MAGI2: variants seen among roughly 807,000 people sequenced by gnomAD.
MAGI2 encodes the protein membrane associated guanylate kinase, WW and PDZ domain containing 2.
A neutral mutation model predicts 133.3 loss-of-function variants in MAGI2; 35 were observed. The observed-to-expected ratio is 0.26, with a 90% CI of 0.20 to 0.35. The LOEUF (loss-of-function observed/expected upper bound fraction) is 0.35. Ranked by LOEUF, MAGI2 falls within the 10% of genes least tolerant of loss-of-function variation. The probability of loss-of-function intolerance (pLI) is 1.00; values close to 1 mark genes in which losing one functional copy is unlikely to be tolerated. For missense variants in MAGI2, 1,636 were observed against 1,863.4 expected (o/e 0.88, Z 2.25); for synonymous variants, 729 against 710.6 (o/e 1.03, Z -0.41).
intron 3 of MAGI2, among the ~76,000 whole-genome samples, chr7:78,573,002 C>A (rs1417636796): frequency 1.8e-5 from 2 of 111,806 alleles, no homozygotes; most frequent in Non-Finnish European, 3.5e-5. Context: ...ACTAGAGGAA[C>A]AGAACTAATA....
At chr7:79,434,734 C>G (rs4730828) in intron 1 of MAGI2, among the ~76,000 whole-genome samples, 3 of 152,046 alleles carry the variant, frequency 2.0e-5, no homozygotes, top group Non-Finnish European at 4.4e-5. Flanking sequence ...TTAAAGTGTG[C>G]GACGGTCAAT....
intron 1 of MAGI2, among the ~76,000 whole-genome samples, chr7:79,189,042 TTTG>T (rs1562976500): frequency 6.6e-6 from 1 of 151,916 alleles, no homozygotes; most frequent in Non-Finnish European, 1.5e-5. Context: ...ACTTTTAAAT[TTTG>T]TTGTTGTTTT....
At chr7:78,123,224 C>G (rs938263946) in intron 20 of MAGI2, among the ~76,000 whole-genome samples, 1 of 151,980 alleles carries the variant, frequency 6.6e-6, no homozygotes, top group Non-Finnish European at 1.5e-5. Context: ...TGTTGAAAAA[C>G]CATCTAGTAT....
intron 3 of MAGI2, among the ~76,000 whole-genome samples, chr7:78,588,923 G>T (rs947913667): frequency 2.6e-5 from 4 of 152,144 alleles, no homozygotes; most frequent in Non-Finnish European, 5.9e-5. Context: ...AGAAATAGAG[G>T]TTCAAGGGGA....
Position 78,956,936 on chromosome 7 carries a change from G to C in MAGI2, c.418+50154C>G, listed in dbSNP as rs139573599. On this transcript the variant is annotated intron_variant, in intron 2 of 21. Coordinates refer to ENST00000354212, the MANE Select transcript of MAGI2 (RefSeq NM_012301.4). ...GCTCAGGGTTTTCTGCTTCTTTATC[G>C]ATGGGCCAAATGAAACATTTTGATG... 1.9e-3 allele frequency among the ~76,000 whole-genome samples: 294 copies of C among 152,130 alleles called. 1 individual carries two copies. The highest frequency in any genetic ancestry group is 6.2e-3 in the African/African-American group (259 of 41,506).
At chr7:78,056,362 T>C (rs1401947530) in intron 21 of MAGI2, among the ~76,000 whole-genome samples, 1 of 152,206 alleles carries the variant, frequency 6.6e-6, no homozygotes, top group African/African-American at 2.4e-5. Context: ...TAAAGATATA[T>C]GGATGCATAT....
At chr7:78,882,758 A>G (rs1483297232) in intron 2 of MAGI2, among the ~76,000 whole-genome samples, 1 of 152,102 alleles carries the variant, frequency 6.6e-6, no homozygotes. Context: ...AACAACACCC[A>G]TATGTTCACC....
At chr7:79,152,486 T>C (rs1330043518) in intron 1 of MAGI2, among the ~76,000 whole-genome samples, 2 of 152,204 alleles carry the variant, frequency 1.3e-5, no homozygotes, top group Non-Finnish European at 2.9e-5. Context: ...GCTTTTGAGA[T>C]TTAAATTATG....
chr7:79,101,579 G>C (rs1306749209), intron 1 of MAGI2, among the ~76,000 whole-genome samples: 4 of 151,708 alleles, frequency 2.6e-5, no homozygotes, highest in Admixed American at 6.6e-5. Context: ...AAAAAATTAG[G>C]CAGGCGTGGT....
chr7:79,126,773 T>A (rs111380030), intron 1 of MAGI2, among the ~76,000 whole-genome samples: 7,498 of 151,882 alleles, frequency 0.049, 213 homozygotes, highest in Non-Finnish European at 0.067. Flanking sequence ...GACTTTTTTT[T>A]AAAAAATGTT....
intron 3 of MAGI2, among the ~76,000 whole-genome samples, chr7:78,596,651 T>C (rs1804642254): frequency 1.3e-5 from 2 of 152,198 alleles, no homozygotes; most frequent in South Asian, 4.1e-4. Context: ...TCTCAACTGC[T>C]TTAAGTTTTA....
intron 1 of MAGI2, among the ~76,000 whole-genome samples, chr7:79,190,152 G>C (rs191138920): frequency 4.5e-4 from 69 of 151,902 alleles, no homozygotes; most frequent in Non-Finnish European, 8.2e-4. Flanking sequence ...CAAGGAGCAT[G>C]GTTGTTGGAC....
At chr7:78,766,960 C>T (rs1005441724) in intron 2 of MAGI2, among the ~76,000 whole-genome samples, 8 of 151,406 alleles carry the variant, frequency 5.3e-5, no homozygotes, top group Admixed American at 4.6e-4. Flanking sequence ...CTGTGAAACG[C>T]TTACGTTGAG....
At chr7:78,492,088 G>A (rs748208989) in intron 5 of MAGI2, among the ~76,000 whole-genome samples, 8 of 151,884 alleles carry the variant, frequency 5.3e-5, no homozygotes, top group Non-Finnish European at 1.0e-4. Flanking sequence ...CACATCCATG[G>A]GTAAGTATTA....
intron 15 of MAGI2, among the ~76,000 whole-genome samples, chr7:78,164,258 C>T (rs1825399513): frequency 6.6e-6 from 1 of 152,192 alleles, no homozygotes; most frequent in African/African-American, 2.4e-5. Flanking sequence ...GCCTGGGTCT[C>T]TTCTCAGGAC....
At chr7:78,496,817 G>A (rs909783783) in intron 5 of MAGI2, among the ~76,000 whole-genome samples, 4 of 152,122 alleles carry the variant, frequency 2.6e-5, no homozygotes, top group Non-Finnish European at 4.4e-5. Flanking sequence ...TCTACATCGC[G>A]TGAAAGTCTG....
At position 78,019,607 on chromosome 7, in the gene MAGI2, TCCGCCGCGTCTG is replaced by T; in HGVS notation, c.4064_4075del (p.Ala1355_Ala1358del). ...CTCCTTCCCGCCCGCCCGCGCCGCG[TCCGCCGCGTCTG>T]CCGCCGCGAGCCCGGGCGCCCTGGC... On this transcript the variant is annotated inframe_deletion, in exon 22 of 22. Transcript: ENST00000354212. 15 of 981,458 alleles carry T rather than the reference TCCGCCGCGTCTG, an allele frequency of 1.5e-5. No homozygotes were observed. The highest frequency in any genetic ancestry group is 1.8e-5 in the Non-Finnish European group (15 of 829,430). The allele number at this position is 981,458 out of a possible 1,614,324, so 60.8% of individuals were successfully genotyped here. A position where few individuals can be genotyped will look rare whatever the true frequency, so the allele number is the denominator to read the frequency against.
At chr7:79,016,155 G>T (rs1938441681) in intron 1 of MAGI2, among the ~76,000 whole-genome samples, 1 of 152,234 alleles carries the variant, frequency 6.6e-6, no homozygotes, top group Admixed American at 6.5e-5. Flanking sequence ...TCCAGCCATT[G>T]TGGAACCCAG....
intron 1 of MAGI2, among the ~76,000 whole-genome samples, chr7:79,437,188 T>C (rs1349427541): frequency 6.6e-6 from 1 of 152,098 alleles, no homozygotes; most frequent in Non-Finnish European, 1.5e-5. Context: ...CACTGGGGAC[T>C]ACCAGAGGTG....
Sources: allele counts gnomAD v4.1 joint callset (sites outside exome capture counted in the v4.1 genomes callset), GRCh38; gene constraint gnomAD v4.1.1; transcripts MANE v1.5; gene names NCBI Gene and HGNC (gene_info 2026-07-23, HGNC 2026-07-21).